The following RBM48 variants were observed in gnomAD, a reference collection of about 807,000 sequenced individuals.
The protein encoded by RBM48 is RNA-binding protein 48.
RBM48 carries 32 observed loss-of-function variants against 34.8 expected under a neutral mutation model. That is an observed-to-expected ratio of 0.92 (90% CI 0.69 to 1.23). The LOEUF (loss-of-function observed/expected upper bound fraction) is 1.23. RBM48 is among the 50% of genes most tolerant of loss of function. The probability of loss-of-function intolerance (pLI) is 0.00; values close to 1 mark genes in which losing one functional copy is unlikely to be tolerated. For synonymous variants in RBM48, 151 were observed against 156.2 expected (o/e 0.97, Z 0.25); for missense variants, 441 against 447.2 (o/e 0.99, Z 0.12).
rs184143749 is a variant in RBM48, at chr7:92,535,776, T to C, written c.1017+806T>C. ...TATGTACATTTTTTACCTAAAAATA[T>C]CTGATTAAAGGTATTATTTAATAAT... On this transcript the variant is annotated intron_variant, in intron 4 of 4. Coordinates refer to ENST00000265732, the MANE Select transcript of RBM48 (RefSeq NM_032120.4). The C allele has an allele frequency of 2.0e-4, 197 of 973,274 alleles. No homozygotes were observed. The African/African-American group carries it at 2.6e-3, about 13-fold the overall frequency. 60.3% of individuals were successfully genotyped at this position (973,274 alleles called of 1,614,324 possible).
At chr7:92,532,340 A>T in intron 2 of RBM48, 64 bp from the exon 3 acceptor site, 1 of 1,366,322 alleles carries the variant, frequency 7.3e-7, no homozygotes, top group Non-Finnish European at 1.0e-6. Context: ...ATTGCATACT[A>T]GTTAAGCTTT....
chr7:92,529,645 T>G lies in RBM48; in HGVS notation c.281T>G (p.Phe94Cys). Residue 94 changes from phenylalanine to cysteine, a missense_variant, in exon 2 of 5, where the codon TTT becomes TGT. Physicochemically the swap from Phe to Cys is radical, Grantham distance 205 (BLOSUM62 -2). Coordinates refer to ENST00000265732, the MANE Select transcript of RBM48 (RefSeq NM_032120.4). The stretch of plus-strand genomic sequence containing the variant: ...TTTACTGAAGTTTATCTTATTAAAT[T>G]TATGAACTTACAAAGTGCAAGGTAA... ...EDFTEVYLIK[F>C]MNLQSARTAK... is the part of the protein sequence containing the mutation. 4.4e-6 allele frequency: 7 copies of G among 1,594,364 alleles called. No individual in the cohort carries two copies. The highest frequency in any genetic ancestry group is 5.1e-6 in the Non-Finnish European group (6 of 1,167,744).
rs1470719250 is a variant in RBM48 at position 92,540,040 on chromosome 7, T to C, written c.*3103T>C. Among the ~76,000 whole-genome samples the C allele has an allele frequency of 6.6e-6, 1 of 152,222 alleles. No homozygotes were observed. Among genetic ancestry groups the C allele is most frequent in the Non-Finnish European group, 1.5e-5 (1 of 68,034 alleles). On this transcript the variant is annotated 3_prime_UTR_variant, in exon 5 of 5. Coordinates refer to ENST00000265732, the MANE Select transcript of RBM48 (RefSeq NM_032120.4). ...ACTTACAGGAAACAGGAATTGTCTA[T>C]TGCTAAAGAGGTTAAAAGCTCAATG...
rs1479935653 is a variant in RBM48, at chr7:92,537,733, C to T, written c.*796C>T. The T allele has an allele frequency of 1.3e-5, 2 of 152,240 alleles. No homozygotes were observed. Among genetic ancestry groups the T allele is most frequent in the African/African-American group, 4.8e-5 (2 of 41,468 alleles). The allele number at this position is 152,240 out of a possible 1,614,324, so 9.4% of individuals were successfully genotyped here. On this transcript the variant is annotated 3_prime_UTR_variant, in exon 5 of 5. Coordinates refer to ENST00000265732, the MANE Select transcript of RBM48 (RefSeq NM_032120.4). The stretch of plus-strand genomic sequence containing the variant: ...AAAAATACATCAGTATTTATAAATT[C>T]TAGACTTCTGTTACTACTTCTGGCA...
At position 92,537,070 on chromosome 7, in the gene RBM48, A is replaced by G; in HGVS notation, c.*133A>G. On this transcript the variant is annotated 3_prime_UTR_variant, in exon 5 of 5. Coordinates refer to ENST00000265732, the MANE Select transcript of RBM48 (RefSeq NM_032120.4). ...TCCTCTTTGTAATTTCATTCAAGCC[A>G]TTTGTCTAAAGTCATTTCTTTGTTT... The G allele has an allele frequency of 3.0e-6, 2 of 657,044 alleles. No homozygotes were observed. Among genetic ancestry groups the G allele is most frequent in the Non-Finnish European group, 5.0e-6 (2 of 400,892 alleles). 40.7% of individuals were successfully genotyped at this position (657,044 alleles called of 1,614,324 possible). A position where few individuals can be genotyped will look rare whatever the true frequency, so the allele number is the denominator to read the frequency against.
intron 2 of RBM48, among the ~76,000 whole-genome samples, chr7:92,530,975 G>C (rs372091376): frequency 2.6e-5 from 4 of 152,150 alleles, no homozygotes; most frequent in African/African-American, 9.6e-5. Context: ...CCAGCTACTT[G>C]GGAGGCCGAG....
At chr7:92,529,315 T>C in intron 1 of RBM48, 161 bp from the exon 2 acceptor site, 2 of 590,344 alleles carry the variant, frequency 3.4e-6, no homozygotes, top group South Asian at 4.4e-5. Context: ...ACTGTTATTC[T>C]TTATGCAGAA....
At chr7:92,531,295 A>G (rs562349193) in intron 2 of RBM48, among the ~76,000 whole-genome samples, 1 of 152,248 alleles carries the variant, frequency 6.6e-6, no homozygotes, top group South Asian at 2.1e-4. Flanking sequence ...AACATTAGCT[A>G]TTGTGGTTTC....
At chr7:92,534,315 T>C (rs17759900) in intron 3 of RBM48, 87 bp from the exon 4 acceptor site, 51,248 of 1,457,286 alleles carry the variant, frequency 0.035, 1,033 homozygotes, top group Non-Finnish European at 0.039. Context: ...TTTTAAGTGA[T>C]TTTTTTAAAT....
At chr7:92,535,532 A>G in intron 4 of RBM48, 1 of 985,360 alleles carries the variant, frequency 1.0e-6, no homozygotes, top group East Asian at 1.1e-4. Flanking sequence ...AATGTCATTT[A>G]CATAATCATT....
intron 2 of RBM48, 34 bp downstream of exon 2, chr7:92,529,700 C>A: frequency 7.6e-7 from 1 of 1,320,304 alleles, no homozygotes; most frequent in South Asian, 1.4e-5. Context: ...CTCATTTCCT[C>A]ATTTCTTCCA....
chr7:92,533,910 TAACA>T (rs979856377), intron 3 of RBM48, among the ~76,000 whole-genome samples: 2 of 131,186 alleles, frequency 1.5e-5, no homozygotes, highest in Non-Finnish European at 3.1e-5. Flanking sequence ...CTTTAGTGAC[TAACA>T]AACACAAGCC....
rs140255603 is a variant in RBM48 at position 92,539,771 on chromosome 7, T to C, written c.*2834T>C. 1.7e-4 allele frequency among the ~76,000 whole-genome samples: 26 copies of C among 152,366 alleles called. No individual in the cohort carries two copies. The highest frequency in any genetic ancestry group is 4.8e-4 in the African/African-American group (20 of 41,592). On this transcript the variant is annotated 3_prime_UTR_variant, in exon 5 of 5. Transcript: ENST00000265732. Reference sequence around the variant, plus strand: ...AGGAAGAACATGTAAGGCAATTTTATGAGCCAAATCAATTATTAGACTGAT... The same window carrying C: ...AGGAAGAACATGTAAGGCAATTTTACGAGCCAAATCAATTATTAGACTGAT...
chr7:92,529,418 G>A (rs973711870), intron 1 of RBM48, 58 bp from the exon 2 acceptor site: 27 of 998,986 alleles, frequency 2.7e-5, no homozygotes, highest in Non-Finnish European at 4.0e-5. Flanking sequence ...AAAAATAGAG[G>A]CAGATTCGTC....
At chr7:92,529,418 G>T in intron 1 of RBM48, 58 bp from the exon 2 acceptor site, 1 of 999,098 alleles carries the variant, frequency 1.0e-6, no homozygotes, top group Non-Finnish European at 1.5e-6. Context: ...AAAAATAGAG[G>T]CAGATTCGTC....
At position 92,534,764 on chromosome 7, in the gene RBM48, G is replaced by C. The variant is rs1161206057; in HGVS notation, c.811G>C (p.Val271Leu). The change falls in exon 4 of 5, where the codon GTT (valine) becomes CTT (leucine). Residue 271 changes from valine to leucine, a missense_variant. Physicochemically the swap from Val to Leu is conservative, Grantham distance 32. Coordinates refer to ENST00000265732, the MANE Select transcript of RBM48 (RefSeq NM_032120.4). ...AAAGGCTATTACGTCTTCAGAGGCAGTTGACAGATTTATGCCTAGGACAAC... is the reference window on the plus strand; with the variant it reads ...AAAGGCTATTACGTCTTCAGAGGCACTTGACAGATTTATGCCTAGGACAAC... ...AQKAITSSEAVDRFMPRTTQL... is the reference protein window; with the variant it reads ...AQKAITSSEALDRFMPRTTQL... The C allele has an allele frequency of 6.2e-7, 1 of 1,614,088 alleles. No individual in the cohort carries two copies. The highest frequency in any genetic ancestry group is 8.5e-7 in the Non-Finnish European group (1 of 1,180,046).
chr7:92,536,112 A>T (rs1793705099), intron 4 of RBM48: 1 of 959,722 alleles, frequency 1.0e-6, no homozygotes, highest in South Asian at 4.8e-5. Context: ...CCTGGGTGAC[A>T]GTGTGAGACC....
At position 92,529,542 on chromosome 7, in the gene RBM48, A is replaced by T; in HGVS notation, c.178A>T (p.Lys60Ter). The T allele has an allele frequency of 1.2e-6, 2 of 1,611,598 alleles. No homozygotes were observed. Among genetic ancestry groups the T allele is most frequent in the Non-Finnish European group, 1.7e-6 (2 of 1,177,770 alleles). The change falls in exon 2 of 5, where the codon AAG (lysine) becomes TAG (stop). Residue 60 changes from lysine to a stop codon, truncating the protein, a stop_gained. Coordinates refer to ENST00000265732, the MANE Select transcript of RBM48 (RefSeq NM_032120.4). LOFTEE classifies it high-confidence loss of function. ...AGGAGTTCCTGCTGTGGGAGTCATGAAGGAATTAGTTGAGCGATTCGCTTT... is the reference window on the plus strand; with the variant it reads ...AGGAGTTCCTGCTGTGGGAGTCATGTAGGAATTAGTTGAGCGATTCGCTTT... Reference protein sequence around the residue: ...IQGVPAVGVMKELVERFALYG... With the variant: ...IQGVPAVGVM
chr7:92,529,076 A>G (rs1793462947), intron 1 of RBM48, 152 bp downstream of exon 1: 1 of 674,760 alleles, frequency 1.5e-6, no homozygotes, highest in Admixed American at 2.7e-5. Context: ...GTCAGTTACC[A>G]AAGATTCTCA....
Sources: allele counts gnomAD v4.1 joint callset (sites outside exome capture counted in the v4.1 genomes callset), GRCh38; gene constraint gnomAD v4.1.1; transcripts MANE v1.5; gene names NCBI Gene and HGNC (gene_info 2026-07-23, HGNC 2026-07-21).